Variants in ANKS1B observed in about 807,000 individuals in gnomAD.
The protein encoded by ANKS1B is ankyrin repeat and sterile alpha motif domain containing 1B.
Under a neutral mutation model 148.3 loss-of-function variants are expected in ANKS1B, and 36 were observed. The ratio of observed to expected loss-of-function variants is 0.24; its 90% CI spans 0.19 to 0.32. The LOEUF is 0.32. ANKS1B is among the 10% of genes least tolerant of loss of function. The pLI is 1.00. For missense variants in ANKS1B, 1,157 were observed against 1,542.6 expected (o/e 0.75, Z 4.19); for synonymous variants, 542 against 560.8 (o/e 0.97, Z 0.47).
intron 8 of ANKS1B, among the ~76,000 whole-genome samples, chr12:99,767,213 A>C (rs1056294560): frequency 6.6e-6 from 1 of 152,122 alleles, no homozygotes; most frequent in Non-Finnish European, 1.5e-5. Flanking sequence ...AAAAGAAAGT[A>C]AAATAACAGA....
At chr12:99,179,689 T>C (rs1471746305) in intron 14 of ANKS1B, among the ~76,000 whole-genome samples, 1 of 152,106 alleles carries the variant, frequency 6.6e-6, no homozygotes, top group Admixed American at 6.6e-5. Context: ...GGAAAAACTC[T>C]CTATGAATCT....
chr12:99,806,101 T>C (rs1057002838), intron 4 of ANKS1B, among the ~76,000 whole-genome samples: 2 of 152,228 alleles, frequency 1.3e-5, no homozygotes, highest in Non-Finnish European at 2.9e-5. Flanking sequence ...GGATTCCTAC[T>C]GTATGTTAGG....
intron 9 of ANKS1B, among the ~76,000 whole-genome samples, chr12:99,628,219 A>G (rs1001455532): frequency 6.6e-6 from 1 of 152,160 alleles, no homozygotes; most frequent in Non-Finnish European, 1.5e-5. Flanking sequence ...GTAAAAATAC[A>G]TCATTATAAT....
chr12:98,778,247 C>T (rs1017513016), intron 24 of ANKS1B, among the ~76,000 whole-genome samples: 39 of 152,154 alleles, frequency 2.6e-4, no homozygotes, highest in African/African-American at 7.2e-4. Context: ...GAGGCTGAGG[C>T]GGATGATTAC....
At chr12:99,336,122 G>A (rs990675802) in intron 12 of ANKS1B, among the ~76,000 whole-genome samples, 2 of 152,048 alleles carry the variant, frequency 1.3e-5, no homozygotes, top group African/African-American at 2.4e-5. Flanking sequence ...AACCAATAAC[G>A]TTGAGAGCAC....
intron 15 of ANKS1B, among the ~76,000 whole-genome samples, chr12:99,144,640 C>T (rs962733578): frequency 6.6e-6 from 1 of 151,784 alleles, no homozygotes; most frequent in African/African-American, 2.4e-5. Flanking sequence ...AGTTCTAACC[C>T]CTAGTAGATA....
chr12:99,841,298 C>A (rs1316322192), intron 1 of ANKS1B, among the ~76,000 whole-genome samples: 1 of 151,970 alleles, frequency 6.6e-6, no homozygotes, highest in South Asian at 2.1e-4. Flanking sequence ...GATGGTCATA[C>A]AGCTTTTCCC....
intron 1 of ANKS1B, among the ~76,000 whole-genome samples, chr12:99,869,605 C>T (rs1024040891): frequency 3.3e-5 from 5 of 151,368 alleles, no homozygotes; most frequent in Admixed American, 6.6e-5. Context: ...CACTTGAACC[C>T]GAGAGGCAAA....
intron 9 of ANKS1B, among the ~76,000 whole-genome samples, chr12:99,651,767 G>A (rs1301886809): frequency 1.3e-5 from 2 of 151,876 alleles, no homozygotes; most frequent in African/African-American, 4.8e-5. Flanking sequence ...AAGTTTAAGA[G>A]ATAATTTAGA....
At chr12:99,969,212 C>A (rs990737494) in intron 1 of ANKS1B, among the ~76,000 whole-genome samples, 1 of 151,954 alleles carries the variant, frequency 6.6e-6, no homozygotes, top group African/African-American at 2.4e-5. Context: ...AGGTTTTTTT[C>A]TTTTTGCCCA....
chr12:99,736,282 G>A (rs563557325), intron 8 of ANKS1B, among the ~76,000 whole-genome samples: 13 of 151,982 alleles, frequency 8.6e-5, no homozygotes, highest in South Asian at 2.1e-4. Flanking sequence ...AAGAAAAGGC[G>A]TCCAAACTGG....
intron 8 of ANKS1B, among the ~76,000 whole-genome samples, chr12:99,741,018 G>A (rs1316355633): frequency 2.0e-5 from 3 of 152,042 alleles, no homozygotes; most frequent in Non-Finnish European, 2.9e-5. Context: ...AGACCAATCT[G>A]GCAAAATGGT....
chr12:99,358,955 G>A (rs931644042), intron 12 of ANKS1B, among the ~76,000 whole-genome samples: 1 of 152,120 alleles, frequency 6.6e-6, no homozygotes, highest in African/African-American at 2.4e-5. Flanking sequence ...AGCCATGGGG[G>A]AGAAAGAAAA....
intron 17 of ANKS1B, among the ~76,000 whole-genome samples, chr12:99,033,618 C>T (rs1054099022): frequency 4.6e-5 from 7 of 151,712 alleles, no homozygotes; most frequent in Non-Finnish European, 7.4e-5. Flanking sequence ...GAGCCAAGAT[C>T]GCACCACTGC....
At chr12:99,317,938 T>G (rs2154029647) in intron 12 of ANKS1B, among the ~76,000 whole-genome samples, 1 of 152,302 alleles carries the variant, frequency 6.6e-6, no homozygotes, top group African/African-American at 2.4e-5. Flanking sequence ...GGTTTTTGTC[T>G]TTGGTTCTGT....
intron 12 of ANKS1B, among the ~76,000 whole-genome samples, chr12:99,295,810 C>T (rs1476942693): frequency 6.6e-6 from 1 of 152,070 alleles, no homozygotes; most frequent in Admixed American, 6.6e-5. Flanking sequence ...CTCTATGAGT[C>T]GTGTATTCTC....
Position 99,784,467 on chromosome 12 carries a change from T to C in ANKS1B, c.670-2370A>G, listed in dbSNP as rs140586712. Among the ~76,000 whole-genome samples the C allele has an allele frequency of 3.9e-3, 595 of 152,218 alleles. 20 individuals are homozygous for C. The South Asian group carries it at 0.057, about 15-fold the overall frequency. The stretch of plus-strand genomic sequence containing the variant: ...GATTACAGGCGTGAGCCACCGCGCC[T>C]GGCCCCTGAACACTTTCATAATCAT... On this transcript the variant is annotated intron_variant, in intron 4 of 26. Coordinates refer to ENST00000683438, the MANE Select transcript of ANKS1B (RefSeq NM_001352186.2).
intron 17 of ANKS1B, among the ~76,000 whole-genome samples, chr12:98,898,272 A>G (rs1221182031): frequency 6.6e-6 from 1 of 152,240 alleles, no homozygotes; most frequent in Non-Finnish European, 1.5e-5. Flanking sequence ...TCATCATGGC[A>G]CTAATGAAAT....
At chr12:99,702,300 G>A (rs2054961302) in intron 8 of ANKS1B, among the ~76,000 whole-genome samples, 1 of 152,092 alleles carries the variant, frequency 6.6e-6, no homozygotes, top group Admixed American at 6.6e-5. Context: ...ATGATGTTGA[G>A]CACCTTTTCA....
Sources: gnomAD v4.1 joint callset for allele counts (sites outside exome capture counted in the v4.1 genomes callset) on GRCh38, gnomAD v4.1.1 for gene constraint, MANE v1.5 for transcripts, NCBI Gene and HGNC (gene_info 2026-07-23, HGNC 2026-07-21) for gene names.